The following GOLGA8N variants were observed in gnomAD, a reference collection of about 807,000 sequenced individuals.
The protein encoded by GOLGA8N is golgin A8 family member N, also known as golgin subfamily A member 8N.
A neutral mutation model predicts 22.0 loss-of-function variants in GOLGA8N; 2 were observed. That is an observed-to-expected ratio of 0.09 (90% CI 0.04 to 0.29). The LOEUF is 0.29. Ranked by LOEUF, GOLGA8N falls within the 10% of genes least tolerant of loss-of-function variation. The pLI is 1.00. For missense variants in GOLGA8N, 10 were observed against 164.7 expected (o/e 0.06, Z 5.14); for synonymous variants, 2 against 58.7 (o/e 0.03, Z 4.41).
chr15:32,607,153 T>A (rs1432509376), exon 19 of GOLGA8N: 1 of 152,384 alleles, frequency 6.6e-6, no homozygotes, highest in Non-Finnish European at 1.5e-5. Context: ...AATTATTAAA[T>A]TGTTTCAATG....
chr15:32,597,368 C>T, intron 4 of GOLGA8N, 83 bp from the exon 5 acceptor site: 1 of 1,481,996 alleles, frequency 6.7e-7, no homozygotes, highest in South Asian at 1.1e-5. Context: ...AAATCCATTC[C>T]TGGCCCCTGC....
At chr15:32,607,087 A>AT (rs1223567487) in exon 19 of GOLGA8N, 2 of 151,836 alleles carry the variant, frequency 1.3e-5, no homozygotes, top group African/African-American at 4.8e-5. Flanking sequence ...ATACTGAAAG[A>AT]TTTTTCCCTA....
At chr15:32,606,893 C>T (rs1236171704) in exon 19 of GOLGA8N, 1 of 150,056 alleles carries the variant, frequency 6.7e-6, no homozygotes, top group Non-Finnish European at 1.5e-5. Context: ...TAACTGCTAT[C>T]TTAATGTTCT....
chr15:32,607,116 CTG>C (rs1309360491), exon 19 of GOLGA8N: 1 of 151,974 alleles, frequency 6.6e-6, no homozygotes, highest in Non-Finnish European at 1.5e-5. Context: ...TTATTGACTG[CTG>C]GTGTGATGCC....
chr15:32,606,666 G>A (rs926267408), exon 19 of GOLGA8N: 2 of 146,790 alleles, frequency 1.4e-5, no homozygotes, highest in Non-Finnish European at 1.5e-5. Context: ...ATGTCTGTAG[G>A]AAGAATCAAA....
Position 32,606,523 on chromosome 15 carries a change from T to G in GOLGA8N, c.*2545T>G, listed in dbSNP as rs1039429772. 2 of 151,736 alleles carry G rather than the reference T, an allele frequency of 1.3e-5. 1 individual carries two copies. Among genetic ancestry groups the G allele is most frequent in the African/African-American group, 4.9e-5 (2 of 41,094 alleles). The allele number at this position is 151,736 out of a possible 1,614,324, so 9.4% of individuals were successfully genotyped here. ...GCATGCAGTCTTTTGCGATACCTCATTCAGCCGAGTATTTGTACTCTTCCT... is the reference window on the plus strand; with the variant it reads ...GCATGCAGTCTTTTGCGATACCTCAGTCAGCCGAGTATTTGTACTCTTCCT... On this transcript the variant is annotated 3_prime_UTR_variant, in exon 19 of 19. Transcript: ENST00000448387.
chr15:32,606,834 C>G (rs1051973077), exon 19 of GOLGA8N: 13 of 150,392 alleles, frequency 8.6e-5, no homozygotes, highest in African/African-American at 3.2e-4. Flanking sequence ...TATAGTTTCT[C>G]TAAAACTTTA....
exon 19 of GOLGA8N, chr15:32,606,699 A>G (rs1238522314): frequency 1.3e-5 from 2 of 150,864 alleles, no homozygotes; most frequent in Admixed American, 6.6e-5. Context: ...AGATGGCAAT[A>G]TATAATAATC....
At chr15:32,606,818 C>T (rs2052940551) in exon 19 of GOLGA8N, 1 of 150,728 alleles carries the variant, frequency 6.6e-6, no homozygotes, top group Admixed American at 6.6e-5. Context: ...TCAGCCCTAT[C>T]CATAATATAG....
chr15:32,593,488 C>A, exon 1 of GOLGA8N: 2 of 1,551,810 alleles, frequency 1.3e-6, no homozygotes. Context: ...TGACTGGAGG[C>A]CTTGATCGGT....
At chr15:32,606,814 C>G (rs1419964358) in exon 19 of GOLGA8N, 3 of 150,646 alleles carry the variant, frequency 2.0e-5, no homozygotes, top group Non-Finnish European at 4.4e-5. Context: ...TAAATCAGCC[C>G]TATCCATAAT....
exon 8 of GOLGA8N, chr15:32,598,133 G>T: frequency 1.6e-6 from 2 of 1,273,312 alleles, no homozygotes; most frequent in South Asian, 1.3e-5. Context: ...GTTAGAGAGC[G>T]CTCTGTCTGC....
intron 3 of GOLGA8N, 64 bp from the exon 4 acceptor site, chr15:32,596,455 C>G: frequency 2.0e-5 from 1 of 50,332 alleles, no homozygotes; most frequent in Non-Finnish European, 3.3e-5. Flanking sequence ...CCAGCCCTAA[C>G]GATCGTTCTC....
chr15:32,604,774 CTT>C (rs1232669587), exon 19 of GOLGA8N: 1 of 72,676 alleles, frequency 1.4e-5, no homozygotes, highest in African/African-American at 5.8e-5. Flanking sequence ...CAGTTGCACT[CTT>C]TTTCGATGAC....
chr15:32,606,852 C>G lies in GOLGA8N; in HGVS notation c.*2874C>G, dbSNP rs1400173647. 2.7e-5 allele frequency: 4 copies of G among 150,168 alleles called. No homozygotes were observed. In the South Asian group the frequency reaches 8.3e-4, roughly 31 times the overall value. The allele number at this position is 150,168 out of a possible 1,614,324, so 9.3% of individuals were successfully genotyped here. On this transcript the variant is annotated 3_prime_UTR_variant, in exon 19 of 19. Transcript: ENST00000448387. The stretch of plus-strand genomic sequence containing the variant: ...AGTTTCTCTAAAACTTTATCTTAGT[C>G]ATTTTAAAATAATATAACTATTAAA...
rs1313342624 is a variant in GOLGA8N, at chr15:32,598,109, C to T, written c.523C>T (p.Gln175Ter). Residue 175 changes from glutamine (Q) to a stop codon, truncating the protein, a stop_gained, in exon 8 of 19, where the codon CAG becomes TAG. Transcript: ENST00000448387. LOFTEE classifies it high-confidence loss of function. The stretch of plus-strand genomic sequence containing the variant: ...GGCTGTCCGTCTGCAACATTCATTG[C>T]AGTGTAAAGGAGAGTTAGAGAGCGC... 9 of 1,280,830 alleles carry T rather than the reference C, an allele frequency of 7.0e-6. 1 individual carries two copies. Among genetic ancestry groups the T allele is most frequent in the South Asian group, 2.6e-5 (2 of 77,160 alleles). The allele number at this position is 1,280,830 out of a possible 1,614,324, so 79.3% of individuals were successfully genotyped here.
rs1005307914 is a variant in GOLGA8N, at chr15:32,598,060, C to T, written c.482-8C>T. 45 of 1,307,250 alleles carry T rather than the reference C, an allele frequency of 3.4e-5. 4 individuals are homozygous for T. The highest frequency in any genetic ancestry group is 4.4e-5 in the Non-Finnish European group (43 of 971,936). 81.0% of individuals were successfully genotyped at this position (1,307,250 alleles called of 1,614,324 possible). A position where few individuals can be genotyped will look rare whatever the true frequency, so the allele number is the denominator to read the frequency against. ...CCTTTGGGCCCCATCTCAACTCTCT[C>T]ATTACAGAAGAGTCCAAGGACCTGG... On this transcript the variant is annotated splice_polypyrimidine_tract_variant and splice_region_variant and intron_variant, in intron 7 of 18. Coordinates refer to ENST00000448387, the Ensembl canonical transcript of GOLGA8N.
At position 32,593,510 on chromosome 15, in the gene GOLGA8N, T is replaced by G. The variant is rs779263740; in HGVS notation, c.-44T>G. 5 of 1,568,874 alleles carry G rather than the reference T, an allele frequency of 3.2e-6. No individual in the cohort carries two copies. In the Admixed American group the frequency reaches 9.5e-5, roughly 30 times the overall value. ...AGGCCTTGATCGGTTCTTATTGGGA[T>G]TTTGCTGCTGTGGCCCCAACCCTTC... On this transcript the variant is annotated 5_prime_UTR_variant, in exon 1 of 19. Transcript: ENST00000448387.
At chr15:32,597,034 G>A (rs2140415942) in intron 4 of GOLGA8N, 1 of 16,728 alleles carries the variant, frequency 6.0e-5, no homozygotes, top group African/African-American at 1.8e-4. Context: ...AGGCCCCCGG[G>A]AATGGAAACC....
Sources: allele counts gnomAD v4.1 joint callset, GRCh38; gene constraint gnomAD v4.1.1; transcripts MANE v1.5; gene names NCBI Gene and HGNC (gene_info 2026-07-23, HGNC 2026-07-21).